CNTN6: variants seen among roughly 807,000 people sequenced by gnomAD.
CNTN6 encodes the protein contactin-6.
CNTN6 carries 137 observed loss-of-function variants against 122.8 expected under a neutral mutation model. The observed-to-expected ratio is 1.12, with a 90% CI of 0.97 to 1.29. CNTN6 has a LOEUF of 1.29. Ranked by LOEUF, CNTN6 falls within the 50% of genes most tolerant of loss-of-function variation. The probability of loss-of-function intolerance (pLI) is 0.00; values close to 1 mark genes in which losing one functional copy is unlikely to be tolerated. For missense variants in CNTN6, 1,634 were observed against 1,223.4 expected (o/e 1.34, Z -5.01); for synonymous variants, 570 against 426.0 (o/e 1.34, Z -4.16).
intron 12 of CNTN6, among the ~76,000 whole-genome samples, chr3:1,370,156 C>G (rs1708805481): frequency 6.6e-6 from 1 of 151,956 alleles, no homozygotes; most frequent in Non-Finnish European, 1.5e-5. Context: ...CCAATAAGAT[C>G]CATACATGGC....
rs1352480302 is a variant in CNTN6 at position 1,197,321 on chromosome 3, C to A, written c.56-23366C>A. ...TTAATTAGACCATTTTGTCTCTAAC[C>A]TCATCCATTCTCTGGATGTAATAAT... is the stretch of plus-strand genomic sequence containing the variant. On this transcript the variant is annotated intron_variant, in intron 2 of 22. Transcript: ENST00000446702. 5.3e-5 allele frequency among the ~76,000 whole-genome samples: 8 copies of A among 152,296 alleles called. No individual in the cohort carries two copies. The East Asian group carries it at 1.4e-3, about 26-fold the overall frequency.
At chr3:1,134,569 T>C (rs2092424359) in intron 1 of CNTN6, among the ~76,000 whole-genome samples, 2 of 152,178 alleles carry the variant, frequency 1.3e-5, no homozygotes, top group African/African-American at 4.8e-5. Context: ...CCAAGTCACC[T>C]ACATTCAGAG....
chr3:1,341,182 G>C (rs1703835173), intron 11 of CNTN6, among the ~76,000 whole-genome samples: 1 of 142,230 alleles, frequency 7.0e-6, no homozygotes, highest in African/African-American at 2.5e-5. Flanking sequence ...AGCATAGTTT[G>C]TTGGTTTTTT....
At chr3:1,264,232 G>C (rs2125717716) in intron 4 of CNTN6, among the ~76,000 whole-genome samples, 1 of 152,176 alleles carries the variant, frequency 6.6e-6, no homozygotes, top group African/African-American at 2.4e-5. Flanking sequence ...GTACTGCAAA[G>C]GTAAACCTGT....
At chr3:1,126,460 C>G (rs1359520373) in intron 1 of CNTN6, among the ~76,000 whole-genome samples, 4 of 151,802 alleles carry the variant, frequency 2.6e-5, no homozygotes, top group African/African-American at 9.7e-5. Context: ...GCAATGATTT[C>G]CAATCTCATT....
chr3:1,394,625 G>C (rs1694756802), intron 20 of CNTN6, among the ~76,000 whole-genome samples: 1 of 152,040 alleles, frequency 6.6e-6, no homozygotes, highest in Non-Finnish European at 1.5e-5. Context: ...AATTTTTTCT[G>C]TCATCTGAAT....
chr3:1,261,692 G>C (rs2094849318), intron 4 of CNTN6, among the ~76,000 whole-genome samples: 2 of 152,126 alleles, frequency 1.3e-5, no homozygotes, highest in Admixed American at 6.6e-5. Context: ...AGATATATGG[G>C]ATATGGGGCA....
chr3:1,361,220 A>G (rs13093486), intron 12 of CNTN6, among the ~76,000 whole-genome samples: 57,889 of 152,034 alleles, frequency 0.38, 12,295 homozygotes, highest in African/African-American at 0.55. Context: ...CACACAAGAA[A>G]AAATTATTTG....
intron 16 of CNTN6, among the ~76,000 whole-genome samples, chr3:1,376,502 T>A (rs1559963216): frequency 2.0e-5 from 3 of 152,142 alleles, no homozygotes; most frequent in African/African-American, 7.2e-5. Flanking sequence ...AGATTTGAGA[T>A]TGTAACGAGG....
At chr3:1,284,152 G>A (rs549419685) in intron 5 of CNTN6, among the ~76,000 whole-genome samples, 24 of 152,180 alleles carry the variant, frequency 1.6e-4, no homozygotes, top group Admixed American at 6.5e-5. Context: ...CAAAAGTTTG[G>A]ATCATCTGTG....
At position 1,353,441 on chromosome 3, in the gene CNTN6, G is replaced by A. The variant is rs186385875; in HGVS notation, c.1492+990G>A. 1.5e-3 allele frequency among the ~76,000 whole-genome samples: 224 copies of A among 151,736 alleles called. 1 individual carries two copies. Among genetic ancestry groups the A allele is most frequent in the Admixed American group, 3.9e-3 (59 of 15,144 alleles). On this transcript the variant is annotated intron_variant, in intron 12 of 22. Coordinates refer to ENST00000446702, the MANE Select transcript of CNTN6 (RefSeq NM_001289080.2). ...TGTCTCAAGCGTATTACATTATGAC[G>A]ACAATTGTCTGAAGTATTCTGGGGA...
At chr3:1,332,996 A>T (rs1702535605) in intron 11 of CNTN6, among the ~76,000 whole-genome samples, 1 of 152,108 alleles carries the variant, frequency 6.6e-6, no homozygotes, top group African/African-American at 2.4e-5. Flanking sequence ...AGAAGACAAC[A>T]TCAAAATAGC....
At chr3:1,352,751 T>C (rs1224479697) in intron 12 of CNTN6, among the ~76,000 whole-genome samples, 1 of 151,826 alleles carries the variant, frequency 6.6e-6, no homozygotes, top group Non-Finnish European at 1.5e-5. Flanking sequence ...CATGGACGTT[T>C]TGATAAAGTC....
intron 19 of CNTN6, among the ~76,000 whole-genome samples, chr3:1,384,709 TATAC>T (rs1559989018): frequency 7.0e-6 from 1 of 142,256 alleles, no homozygotes; most frequent in Non-Finnish European, 1.5e-5. Flanking sequence ...CACGTATACA[TATAC>T]ATACTATATA....
intron 4 of CNTN6, among the ~76,000 whole-genome samples, chr3:1,240,210 A>G (rs1189691997): frequency 1.3e-5 from 2 of 152,234 alleles, no homozygotes; most frequent in South Asian, 2.1e-4. Flanking sequence ...ACAGCCAAAG[A>G]AATAATCATG....
At chr3:1,313,586 CT>C (rs1166588384) in intron 7 of CNTN6, among the ~76,000 whole-genome samples, 4 of 151,862 alleles carry the variant, frequency 2.6e-5, no homozygotes, top group Non-Finnish European at 4.4e-5. Context: ...TGCCTGCGTC[CT>C]TTTTTTTCCC....
intron 5 of CNTN6, among the ~76,000 whole-genome samples, chr3:1,283,068 G>A (rs1693744725): frequency 6.6e-6 from 1 of 152,016 alleles, no homozygotes; most frequent in African/African-American, 2.4e-5. Context: ...CACCTCCCTG[G>A]TTCAAGCGAT....
chr3:1,388,126 AAG>A (rs1346376061), intron 20 of CNTN6, among the ~76,000 whole-genome samples: 2 of 152,044 alleles, frequency 1.3e-5, no homozygotes, highest in Non-Finnish European at 2.9e-5. Context: ...GACAAACAAA[AAG>A]ACAGCAGTAA....
At chr3:1,294,300 A>G (rs1273583109) in intron 5 of CNTN6, among the ~76,000 whole-genome samples, 3 of 152,190 alleles carry the variant, frequency 2.0e-5, no homozygotes. Context: ...TCATGAAAAC[A>G]ATAGGTGAAC....
Sources: allele counts gnomAD v4.1 joint callset (sites outside exome capture counted in the v4.1 genomes callset), GRCh38; gene constraint gnomAD v4.1.1; transcripts MANE v1.5; gene names NCBI Gene and HGNC (gene_info 2026-07-23, HGNC 2026-07-21).